Variants in ACTR3C observed in about 807,000 individuals in gnomAD.
ACTR3C encodes the protein actin related protein 3C, also known as actin-related protein 3C.
A neutral mutation model predicts 26.3 loss-of-function variants in ACTR3C; 18 were observed. That is an observed-to-expected ratio of 0.68 (90% CI 0.47 to 1.01). ACTR3C has a LOEUF of 1.01. Among genes scored for constraint, ACTR3C ranks in the 50% least tolerant of loss-of-function variants. The pLI, the probability that ACTR3C is intolerant of heterozygous loss-of-function variation, is 0.00. For missense variants in ACTR3C, 184 were observed against 250.7 expected (o/e 0.73, Z 1.80); for synonymous variants, 55 against 94.5 (o/e 0.58, Z 2.42).
At chr7:150,029,664 C>G in the ACTR3C span, among the ~76,000 whole-genome samples, 1 of 152,164 alleles carries the variant, frequency 6.6e-6, no homozygotes, top group East Asian at 1.9e-4. Context: ...AGCAGAAAAA[C>G]AGAAATCTCA....
the ACTR3C span, among the ~76,000 whole-genome samples, chr7:150,148,180 G>A: frequency 6.8e-6 from 1 of 147,530 alleles, no homozygotes. Flanking sequence ...GAAAAGAAAA[G>A]GGGAAAAAAA....
At chr7:150,260,229 T>C (rs552602996) in intron 6 of ACTR3C, among the ~76,000 whole-genome samples, 1 of 152,350 alleles carries the variant, frequency 6.6e-6, no homozygotes, top group African/African-American at 2.4e-5. Context: ...TATAGGAAAG[T>C]ATCTGGCATG....
the ACTR3C span, among the ~76,000 whole-genome samples, chr7:150,034,045 G>GGGGA: frequency 6.6e-6 from 1 of 151,926 alleles, no homozygotes; most frequent in Non-Finnish European, 1.5e-5. Context: ...GGGGGAAGAG[G>GGGGA]GGTTGGCTCT....
chr7:149,987,338 G>T, the ACTR3C span, among the ~76,000 whole-genome samples: 43 of 151,176 alleles, frequency 2.8e-4, no homozygotes, highest in Admixed American at 2.8e-3. Context: ...GGCTGAGGCG[G>T]GTGGATCACT....
chr7:149,944,582 C>A, the ACTR3C span, among the ~76,000 whole-genome samples: 7 of 150,080 alleles, frequency 4.7e-5, no homozygotes, highest in African/African-American at 1.8e-4. Context: ...GAAGATACAC[C>A]AGTTAGATTA....
the ACTR3C span, among the ~76,000 whole-genome samples, chr7:150,034,758 G>A: frequency 6.6e-5 from 10 of 150,978 alleles, no homozygotes; most frequent in African/African-American, 9.7e-5. Context: ...TAGGATCAAC[G>A]AAGGGGGCCC....
At chr7:150,008,595 G>A in the ACTR3C span, among the ~76,000 whole-genome samples, 1 of 151,822 alleles carries the variant, frequency 6.6e-6, no homozygotes, top group Non-Finnish European at 1.5e-5. Flanking sequence ...TGAGCACAGT[G>A]CTCCAGAGAT....
chr7:150,155,357 A>G, the ACTR3C span, among the ~76,000 whole-genome samples: 1 of 151,992 alleles, frequency 6.6e-6, no homozygotes, highest in East Asian at 1.9e-4. Flanking sequence ...TCAAAATAAC[A>G]AAAACCAAAC....
the ACTR3C span, among the ~76,000 whole-genome samples, chr7:150,003,978 G>A: frequency 6.6e-6 from 1 of 151,036 alleles, no homozygotes; most frequent in Non-Finnish European, 1.5e-5. Context: ...GCGTGTGTAT[G>A]CTGTGTATGA....
chr7:150,297,572 C>T (rs1267234878), intron 1 of ACTR3C, among the ~76,000 whole-genome samples: 1 of 152,238 alleles, frequency 6.6e-6, no homozygotes, highest in East Asian at 1.9e-4. Context: ...TTTTCTTTGG[C>T]CGGGCACGGT....
intron 5 of ACTR3C, among the ~76,000 whole-genome samples, chr7:150,285,587 A>G (rs1332724200): frequency 1.3e-5 from 2 of 152,244 alleles, no homozygotes; most frequent in Non-Finnish European, 2.9e-5. Flanking sequence ...CATTCACTAG[A>G]TTATCATTGT....
chr7:150,005,981 C>T, the ACTR3C span, among the ~76,000 whole-genome samples: 36 of 152,210 alleles, frequency 2.4e-4, 1 homozygote, highest in South Asian at 1.5e-3. Flanking sequence ...GCTCAAAATA[C>T]GTAAGCCCTT....
chr7:150,083,460 G>A, the ACTR3C span, among the ~76,000 whole-genome samples: 2 of 152,010 alleles, frequency 1.3e-5, no homozygotes, highest in African/African-American at 4.8e-5. Flanking sequence ...CCAGTTACTC[G>A]GTAGGCTGAG....
the ACTR3C span, among the ~76,000 whole-genome samples, chr7:150,213,921 T>A: frequency 1.5e-5 from 2 of 136,576 alleles, no homozygotes; most frequent in Admixed American, 7.3e-5. Flanking sequence ...TCACAAAGAT[T>A]TAAAGTCTTG....
intron 1 of ACTR3C, among the ~76,000 whole-genome samples, chr7:150,322,341 T>C (rs181470877): frequency 6.6e-6 from 1 of 152,366 alleles, no homozygotes; most frequent in African/African-American, 2.4e-5. Flanking sequence ...ATACAGGTCA[T>C]ACAGACCTTG....
the ACTR3C span, among the ~76,000 whole-genome samples, chr7:150,014,243 C>T: frequency 6.6e-6 from 1 of 152,152 alleles, no homozygotes; most frequent in African/African-American, 2.4e-5. Context: ...ATCACGAGGT[C>T]AGGAGATCGA....
At chr7:149,958,629 G>A in the ACTR3C span, among the ~76,000 whole-genome samples, 1 of 152,172 alleles carries the variant, frequency 6.6e-6, no homozygotes, top group Non-Finnish European at 1.5e-5. Flanking sequence ...AGTTCCTTCT[G>A]GAGAAGTGTG....
chr7:150,043,448 C>T, the ACTR3C span, among the ~76,000 whole-genome samples: 134 of 152,312 alleles, frequency 8.8e-4, no homozygotes, highest in South Asian at 5.0e-3. Flanking sequence ...AGCTTTTTTG[C>T]TTCTTGTACT....
rs1297693587 is a variant in ACTR3C at position 150,298,370 on chromosome 7, A to C, written c.-51-3023T>G. Among the ~76,000 whole-genome samples, 3 of 148,394 alleles carry C rather than the reference A, an allele frequency of 2.0e-5. No individual in the cohort carries two copies. In the East Asian group the frequency reaches 5.8e-4, roughly 29 times the overall value. On this transcript the variant is annotated intron_variant, in intron 1 of 7. Coordinates refer to ENST00000683684, the MANE Select transcript of ACTR3C (RefSeq NM_001164458.2). ...TAAAAACATGAAGCATAACATTTTA[A>C]AAAAATAGTTAAATTAAGACCAAAC...
Sources: allele counts gnomAD v4.1 joint callset (sites outside exome capture counted in the v4.1 genomes callset), GRCh38; gene constraint gnomAD v4.1.1; transcripts MANE v1.5; gene names NCBI Gene and HGNC (gene_info 2026-07-23, HGNC 2026-07-21).